Variants in MAP3K4 observed in about 807,000 individuals in gnomAD.
MAP3K4 encodes the protein mitogen-activated protein kinase kinase kinase 4.
A neutral mutation model predicts 185.6 loss-of-function variants in MAP3K4; 67 were observed. The observed-to-expected ratio is 0.36, with a 90% confidence interval of 0.30 to 0.44. The LOEUF (loss-of-function observed/expected upper bound fraction) is 0.44, where lower values mean the gene tolerates loss of function less well. Ranked by LOEUF, MAP3K4 falls within the 20% of genes least tolerant of loss-of-function variation. The pLI is 1.00. For missense variants in MAP3K4, 1,551 were observed against 1,995.1 expected (o/e 0.78, Z 4.24); for synonymous variants, 702 against 710.4 (o/e 0.99, Z 0.19).
Position 161,039,004 on chromosome 6 carries a change from C to T in MAP3K4, c.343+4555C>T, listed in dbSNP as rs141651257. 2.0e-3 allele frequency among the ~76,000 whole-genome samples: 307 copies of T among 152,190 alleles called. 1 individual carries two copies. The highest frequency in any genetic ancestry group is 2.3e-3 in the East Asian group (12 of 5,188). On this transcript the variant is annotated intron_variant, in intron 2 of 26. Coordinates refer to ENST00000392142, the MANE Select transcript of MAP3K4 (RefSeq NM_005922.4). ...ACACGGCAGCTGTCTTTCCTCAGAG[C>T]CAGTGTTTTGAGAGACTGAGGTGGA...
In MAP3K4 at chr6:161,106,742, CTGT is replaced by C; in HGVS notation, c.4048+39_4048+41del. The C allele has an allele frequency of 6.6e-7, 1 of 1,524,746 alleles. No individual in the cohort carries two copies. Among genetic ancestry groups the C allele is most frequent in the Non-Finnish European group, 8.9e-7 (1 of 1,118,142 alleles). 94.5% of individuals were successfully genotyped at this position (1,524,746 alleles called of 1,614,324 possible). A position where few individuals can be genotyped will look rare whatever the true frequency, so the allele number is the denominator to read the frequency against. On this transcript the variant is annotated intron_variant, in intron 20 of 26. Transcript: ENST00000392142. This position sits in a 1 kb window ranked among gnomAD's most constrained non-coding sequence, Gnocchi z 4.9. ...AAGGAGCATGATGTCAAGATAGTCC[CTGT>C]TAGAAGTAGCAATAGTTATACTTCT...
At position 161,017,481 on chromosome 6, in the gene MAP3K4, G is replaced by A. The variant is rs1237760670; in HGVS notation, c.153-16778G>A. Among the ~76,000 whole-genome samples the A allele has an allele frequency of 6.6e-6, 1 of 152,012 alleles. No homozygotes were observed. Among genetic ancestry groups the A allele is most frequent in the African/African-American group, 2.4e-5 (1 of 41,368 alleles). ...AAGTATGTCACTTTCTATTTATTTG[G>A]ATATTTTAAATAGTATTAGGTTTGT... On this transcript the variant is annotated intron_variant, in intron 1 of 26. Transcript: ENST00000392142. This position sits in a 1 kb window ranked among gnomAD's most constrained non-coding sequence, Gnocchi z 5.1.
rs1785091122 is a variant in MAP3K4 at position 161,074,636 on chromosome 6, A to T, written c.2097+1024A>T. Among the ~76,000 whole-genome samples the T allele has an allele frequency of 6.6e-6, 1 of 152,248 alleles. No homozygotes were observed. Among genetic ancestry groups the T allele is most frequent in the African/African-American group, 2.4e-5 (1 of 41,466 alleles). On this transcript the variant is annotated intron_variant, in intron 5 of 26. Transcript: ENST00000392142. The surrounding 1 kb of genome is among the most constrained non-coding windows in gnomAD (Gnocchi z 5.0). Reference sequence around the variant, plus strand: ...ATTCTCTTGTTTTCCATAGTATCTGATAGTGTTCATGTATCGTAAGTACAC... The same window carrying T: ...ATTCTCTTGTTTTCCATAGTATCTGTTAGTGTTCATGTATCGTAAGTACAC...
intron 3 of MAP3K4, among the ~76,000 whole-genome samples, chr6:161,050,356 G>A (rs750866534): frequency 6.6e-6 from 1 of 152,130 alleles, no homozygotes; most frequent in Admixed American, 6.5e-5. Flanking sequence ...TGAATAGGGC[G>A]CCCAAGGTCA....
intron 3 of MAP3K4, among the ~76,000 whole-genome samples, chr6:161,060,305 T>G (rs1784426753): frequency 6.6e-6 from 1 of 152,240 alleles, no homozygotes; most frequent in Non-Finnish European, 1.5e-5. Context: ...ATTCTTTACC[T>G]TTTATTTACT....
chr6:161,057,656 AC>A (rs958026203), intron 3 of MAP3K4, among the ~76,000 whole-genome samples: 4 of 152,122 alleles, frequency 2.6e-5, no homozygotes, highest in African/African-American at 9.7e-5. Context: ...TCTGGTACTC[AC>A]TGGAAACACT....
At chr6:161,010,924 C>T (rs538135313) in intron 1 of MAP3K4, among the ~76,000 whole-genome samples, 29 of 152,192 alleles carry the variant, frequency 1.9e-4, no homozygotes, top group Middle Eastern at 6.8e-3. Context: ...GTGTTAGAAG[C>T]GTGTGATCCT....
Position 161,034,631 on chromosome 6 carries a change from T to C in MAP3K4, c.343+182T>C, listed in dbSNP as rs905147452. On this transcript the variant is annotated intron_variant, in intron 2 of 26. Coordinates refer to ENST00000392142, the MANE Select transcript of MAP3K4 (RefSeq NM_005922.4). This position sits in a 1 kb window ranked among gnomAD's most constrained non-coding sequence, Gnocchi z 4.4. ...AAATTGACACATAGTTTTCCAGAGATAGAAACGTTTGTCCTGAGTAATGGT... is the reference window on the plus strand; with the variant it reads ...AAATTGACACATAGTTTTCCAGAGACAGAAACGTTTGTCCTGAGTAATGGT... Among the ~76,000 whole-genome samples, 1 of 152,166 alleles carries C rather than the reference T, an allele frequency of 6.6e-6. No individual in the cohort carries two copies. Among genetic ancestry groups the C allele is most frequent in the Admixed American group, 6.5e-5 (1 of 15,276 alleles).
At position 161,116,900 on chromosome 6, in the gene MAP3K4, C is replaced by A. The variant is rs756794725; in HGVS notation, c.*30C>A. 1.3e-5 allele frequency: 21 copies of A among 1,592,610 alleles called. No individual in the cohort carries two copies. In the Admixed American group the frequency reaches 3.5e-4, roughly 27 times the overall value. ...TAGTAGAATATGGACTTGGAAAATT[C>A]TCTTAATCACTACTGTATGTAATAT... On this transcript the variant is annotated 3_prime_UTR_variant, in exon 27 of 27. Coordinates refer to ENST00000392142, the MANE Select transcript of MAP3K4 (RefSeq NM_005922.4). This position sits in a 1 kb window ranked among gnomAD's most constrained non-coding sequence, Gnocchi z 6.2.
chr6:161,010,513 C>G (rs960841357), intron 1 of MAP3K4, among the ~76,000 whole-genome samples: 5 of 151,892 alleles, frequency 3.3e-5, no homozygotes, highest in Non-Finnish European at 5.9e-5. Context: ...TTTAAAAGTT[C>G]ACTTAAAAAT....
In MAP3K4 at chr6:161,071,497, T is replaced by C. The variant is rs1258920366; in HGVS notation, c.1950+647T>C. ...AAAAGAAGAAAGGTTGGTATGTTTT[T>C]TGTAGACTGTACGTGTCTATCCCAT... On this transcript the variant is annotated intron_variant, in intron 4 of 26. Transcript: ENST00000392142. This position sits in a 1 kb window ranked among gnomAD's most constrained non-coding sequence, Gnocchi z 4.6. Among the ~76,000 whole-genome samples, 1 of 152,228 alleles carries C rather than the reference T, an allele frequency of 6.6e-6. No homozygotes were observed. The highest frequency in any genetic ancestry group is 1.5e-5 in the Non-Finnish European group (1 of 68,038).
At chr6:161,018,141 A>T (rs565662735) in intron 1 of MAP3K4, among the ~76,000 whole-genome samples, 2 of 152,322 alleles carry the variant, frequency 1.3e-5, no homozygotes, top group East Asian at 3.9e-4. Flanking sequence ...GGCAAAGCAG[A>T]GTGAACTTGC....
chr6:161,005,165 G>A (rs1483087400), intron 1 of MAP3K4, among the ~76,000 whole-genome samples: 5 of 149,992 alleles, frequency 3.3e-5, no homozygotes, highest in African/African-American at 1.2e-4. Context: ...TTGAGACAGG[G>A]TCTCACTCTG....
rs546041138 is a variant in MAP3K4, at chr6:161,043,325, T to G, written c.344-5291T>G. Among the ~76,000 whole-genome samples the G allele has an allele frequency of 2.6e-5, 4 of 152,222 alleles. No homozygotes were observed. Among genetic ancestry groups the G allele is most frequent in the Non-Finnish European group, 4.4e-5 (3 of 68,038 alleles). ...TCAGATATGCTCTTGCCTTCTTTAC[T>G]TCCCTTATTTAAGCTTCCATTCTTC... On this transcript the variant is annotated intron_variant, in intron 2 of 26. Coordinates refer to ENST00000392142, the MANE Select transcript of MAP3K4 (RefSeq NM_005922.4). This position sits in a 1 kb window ranked among gnomAD's most constrained non-coding sequence, Gnocchi z 4.3.
At chr6:161,065,916 C>CA (rs1784687697) in intron 3 of MAP3K4, among the ~76,000 whole-genome samples, 1 of 73,848 alleles carries the variant, frequency 1.4e-5, no homozygotes, top group Non-Finnish European at 2.4e-5. Flanking sequence ...CCAGCCTGGG[C>CA]AAAAGAGCAA....
intron 1 of MAP3K4, among the ~76,000 whole-genome samples, chr6:161,006,999 T>C (rs1781618337): frequency 6.6e-6 from 1 of 152,176 alleles, no homozygotes; most frequent in South Asian, 2.1e-4. Context: ...ATTGACAAAC[T>C]GTAAAATCAA....
rs1202415099 is a variant in MAP3K4, at chr6:161,071,502, G to T, written c.1950+652G>T. 6.6e-6 allele frequency among the ~76,000 whole-genome samples: 1 copy of T among 152,120 alleles called. No individual in the cohort carries two copies. The highest frequency in any genetic ancestry group is 6.5e-5 in the Admixed American group (1 of 15,274). ...AAGAAAGGTTGGTATGTTTTTTGTA[G>T]ACTGTACGTGTCTATCCCATAGGGA... On this transcript the variant is annotated intron_variant, in intron 4 of 26. Coordinates refer to ENST00000392142, the MANE Select transcript of MAP3K4 (RefSeq NM_005922.4). The surrounding 1 kb of genome is among the most constrained non-coding windows in gnomAD (Gnocchi z 4.6).
At chr6:161,035,468 G>T (rs926397203) in intron 2 of MAP3K4, among the ~76,000 whole-genome samples, 1 of 152,182 alleles carries the variant, frequency 6.6e-6, no homozygotes, top group Non-Finnish European at 1.5e-5. Context: ...GAGCAGGAGG[G>T]CAAGAGAAGT....
Position 161,061,145 on chromosome 6 carries a change from C to A in MAP3K4, c.1708-9463C>A, listed in dbSNP as rs2114791954. ...AGGATTTGAGAATTTTGCTTAATCT[C>A]TTCTGACTTAATCCATATATCACCA... On this transcript the variant is annotated intron_variant, in intron 3 of 26. Transcript: ENST00000392142. This position sits in a 1 kb window ranked among gnomAD's most constrained non-coding sequence, Gnocchi z 4.2. Among the ~76,000 whole-genome samples, 1 of 152,314 alleles carries A rather than the reference C, an allele frequency of 6.6e-6. No individual in the cohort carries two copies. The highest frequency in any genetic ancestry group is 2.4e-5 in the African/African-American group (1 of 41,580).
Sources: gnomAD v4.1 joint callset for allele counts (sites outside exome capture counted in the v4.1 genomes callset) on GRCh38, gnomAD v4.1.1 for gene constraint, Gnocchi (gnomAD v3.1) non-coding constraint, MANE v1.5 for transcripts, NCBI Gene and HGNC (gene_info 2026-07-23, HGNC 2026-07-21) for gene names.